GRAMD1B: variants seen among roughly 807,000 people sequenced by gnomAD.
GRAMD1B encodes protein Aster-B.
In GRAMD1B, 37 loss-of-function variants were observed where a neutral mutation model predicts 99.7. The ratio of observed to expected loss-of-function variants is 0.37; its 90% CI spans 0.29 to 0.49. The LOEUF is 0.49. Ranked by LOEUF, GRAMD1B falls within the 20% of genes least tolerant of loss-of-function variation. GRAMD1B has a pLI of 0.98. For synonymous variants in GRAMD1B, 427 were observed against 387.6 expected (o/e 1.10, Z -1.19); for missense variants, 888 against 1,009.2 (o/e 0.88, Z 1.63).
chr11:123,509,713 C>T (rs1230826524), intron 2 of GRAMD1B, among the ~76,000 whole-genome samples: 1 of 152,256 alleles, frequency 6.6e-6, no homozygotes, highest in Non-Finnish European at 1.5e-5. Context: ...TCCCCTTCCT[C>T]AGGGTTCCCC....
chr11:123,604,623 T>C (rs1296711937), intron 9 of GRAMD1B, among the ~76,000 whole-genome samples: 1 of 152,202 alleles, frequency 6.6e-6, no homozygotes, highest in African/African-American at 2.4e-5. Context: ...GTCGAAATAA[T>C]AGTGTTGTCG....
At chr11:123,429,973 T>C (rs1002321318), upstream of GRAMD1B, among the ~76,000 whole-genome samples, 19 of 152,144 alleles carry the variant, frequency 1.2e-4, no homozygotes, top group African/African-American at 4.6e-4. The surrounding 1 kb of genome is among the most constrained non-coding windows in gnomAD (Gnocchi z 4.0). Context: ...ACTGAATTCA[T>C]TGACTCCCCT....
intron 1 of GRAMD1B, among the ~76,000 whole-genome samples, chr11:123,471,819 T>C (rs1439666048): frequency 1.3e-5 from 2 of 152,208 alleles, no homozygotes; most frequent in Non-Finnish European, 2.9e-5. Context: ...AAAATACGTA[T>C]ACCTGGACAG....
chr11:123,469,388 G>T (rs1415376051), intron 1 of GRAMD1B, among the ~76,000 whole-genome samples: 1 of 152,172 alleles, frequency 6.6e-6, no homozygotes, highest in African/African-American at 2.4e-5. Flanking sequence ...AAGTAATCTG[G>T]GTGAGGAGTG....
chr11:123,425,575 C>T (rs1427062021), upstream of GRAMD1B, among the ~76,000 whole-genome samples: 1 of 152,202 alleles, frequency 6.6e-6, no homozygotes, highest in African/African-American at 2.4e-5. Context: ...CGTCACTGCT[C>T]ACCCTGGCCC....
At chr11:123,375,469 T>C (rs1946662441) in intron 1 of GRAMD1B, among the ~76,000 whole-genome samples, 1 of 152,158 alleles carries the variant, frequency 6.6e-6, no homozygotes, top group Non-Finnish European at 1.5e-5. Context: ...CTCCTCTTTG[T>C]AAGATGCTAT....
chr11:123,488,985 G>A (rs2846316), intron 2 of GRAMD1B, among the ~76,000 whole-genome samples: 1 of 151,988 alleles, frequency 6.6e-6, no homozygotes, highest in Non-Finnish European at 1.5e-5. Context: ...CCCCTTAGAT[G>A]GCCCAGGAAC....
intron 1 of GRAMD1B, among the ~76,000 whole-genome samples, chr11:123,471,765 C>T (rs1951025441): frequency 6.6e-6 from 1 of 152,066 alleles, no homozygotes; most frequent in Non-Finnish European, 1.5e-5. Context: ...ATCCAGTGAA[C>T]CTCAAATCCT....
chr11:123,384,581 A>G (rs1946995423), intron 1 of GRAMD1B, among the ~76,000 whole-genome samples: 1 of 152,164 alleles, frequency 6.6e-6, no homozygotes, highest in African/African-American at 2.4e-5. Flanking sequence ...AACATTCAGG[A>G]GAGCAGGGGT....
At chr11:123,558,410 G>A (rs1946378959) in intron 2 of GRAMD1B, among the ~76,000 whole-genome samples, 1 of 152,186 alleles carries the variant, frequency 6.6e-6, no homozygotes, top group African/African-American at 2.4e-5. Context: ...CTGCAATTAA[G>A]TTCTAAATGT....
At chr11:123,445,622 C>A (rs1368278952) in intron 1 of GRAMD1B, among the ~76,000 whole-genome samples, 1 of 151,972 alleles carries the variant, frequency 6.6e-6, no homozygotes, top group Non-Finnish European at 1.5e-5. Flanking sequence ...TTGAGACCAG[C>A]CTGGCCAACA....
At chr11:123,552,273 C>CTTTTTTTTTTTTTTTTTTTTTTTT (rs71060514) in intron 2 of GRAMD1B, among the ~76,000 whole-genome samples, 3 of 119,368 alleles carry the variant, frequency 2.5e-5, no homozygotes, top group Non-Finnish European at 1.7e-5. Flanking sequence ...CTCTTTCTTT[C>CTTTTTTTTTTTTTTTTTTTTTTTT]TTTTTTTTTT....
chr11:123,455,222 A>G (rs1950061742), intron 1 of GRAMD1B, among the ~76,000 whole-genome samples: 1 of 152,212 alleles, frequency 6.6e-6, no homozygotes, highest in Non-Finnish European at 1.5e-5. Flanking sequence ...GTCTATTATG[A>G]CTAGGTAGAG....
chr11:123,513,824 T>G (rs953744328), intron 2 of GRAMD1B, among the ~76,000 whole-genome samples: 2 of 151,718 alleles, frequency 1.3e-5, no homozygotes, highest in Non-Finnish European at 2.9e-5. Flanking sequence ...ACTTGGCTAA[T>G]TTTTTATTTT....
chr11:123,486,040 T>G (rs928819551), intron 2 of GRAMD1B, among the ~76,000 whole-genome samples: 2 of 152,190 alleles, frequency 1.3e-5, no homozygotes, highest in Admixed American at 1.3e-4. Context: ...TAAAGTCAAT[T>G]TACTTAGTGT....
At chr11:123,576,344 T>A (rs954958671) in intron 2 of GRAMD1B, among the ~76,000 whole-genome samples, 1 of 152,232 alleles carries the variant, frequency 6.6e-6, no homozygotes, top group African/African-American at 2.4e-5. Flanking sequence ...AGCAGCCCCG[T>A]GCAGGCTTTC....
At chr11:123,430,119 C>A (rs934246779), upstream of GRAMD1B, among the ~76,000 whole-genome samples, 1 of 152,212 alleles carries the variant, frequency 6.6e-6, no homozygotes, top group Non-Finnish European at 1.5e-5. Flanking sequence ...ACTTGGAGGT[C>A]GAGTCCCTCC....
In GRAMD1B at chr11:123,436,901, C is replaced by T. The variant is rs138396492; in HGVS notation, c.374+5735C>T. On this transcript the variant is annotated intron_variant, in intron 1 of 19. Transcript: ENST00000635736. ...TGTGTCTCCTAATGCTATCCCTCCC[C>T]GCTCACCCTACCCCACAACAGGCCC... 5.3e-3 allele frequency among the ~76,000 whole-genome samples: 802 copies of T among 152,300 alleles called. 6 individuals are homozygous for T. The highest frequency in any genetic ancestry group is 0.018 in the African/African-American group (767 of 41,552).
chr11:123,531,324 G>T (rs1268403086), intron 2 of GRAMD1B, among the ~76,000 whole-genome samples: 1 of 152,144 alleles, frequency 6.6e-6, no homozygotes, highest in Non-Finnish European at 1.5e-5. Context: ...TTCTTAAAAG[G>T]ATAAGCGTTT....
Sources: allele counts gnomAD v4.1 joint callset (sites outside exome capture counted in the v4.1 genomes callset), GRCh38; gene constraint gnomAD v4.1.1; non-coding constraint Gnocchi (gnomAD v3.1); transcripts MANE v1.5; gene names NCBI Gene and HGNC (gene_info 2026-07-23, HGNC 2026-07-21).